The following CADM2 variants were observed in gnomAD, a reference collection of about 807,000 sequenced individuals.
The protein encoded by CADM2 is cell adhesion molecule 2.
Under a neutral mutation model 49.8 loss-of-function variants are expected in CADM2, and 12 were observed. The ratio of observed to expected loss-of-function variants is 0.24; its 90% CI spans 0.15 to 0.39. The LOEUF is 0.39. Among genes scored for constraint, CADM2 ranks in the 10% least tolerant of loss-of-function variants. The probability of loss-of-function intolerance (pLI) is 1.00; values close to 1 mark genes in which losing one functional copy is unlikely to be tolerated. For synonymous variants in CADM2, 214 were observed against 175.4 expected (o/e 1.22, Z -1.74); for missense variants, 378 against 492.3 (o/e 0.77, Z 2.20).
At chr3:85,349,751 C>G (rs1440943684) in intron 1 of CADM2, among the ~76,000 whole-genome samples, 1 of 152,072 alleles carries the variant, frequency 6.6e-6, no homozygotes, top group African/African-American at 2.4e-5. Flanking sequence ...AACAGAGAAC[C>G]TTGCAAAATT....
At chr3:85,887,451 G>T (rs1453046160) in intron 5 of CADM2, among the ~76,000 whole-genome samples, 1 of 152,064 alleles carries the variant, frequency 6.6e-6, no homozygotes, top group Non-Finnish European at 1.5e-5. Context: ...TAATGGGCAT[G>T]CAGGCTTAGC....
rs78588339 is a variant in CADM2 at position 85,481,278 on chromosome 3, A to G, written c.62-245244A>G. 9.7e-3 allele frequency among the ~76,000 whole-genome samples: 1,458 copies of G among 150,138 alleles called. 56 individuals carry two copies. In the East Asian group the frequency reaches 0.13, roughly 13 times the overall value. On this transcript the variant is annotated intron_variant, in intron 1 of 9. Transcript: ENST00000383699. ...GTATCACAATCAATCAACAGTGTTT[A>G]ATATTTATATGTGTGATCAAAATAA...
intron 1 of CADM2, among the ~76,000 whole-genome samples, chr3:84,995,105 A>C (rs1226063957): frequency 6.6e-6 from 1 of 152,172 alleles, no homozygotes; most frequent in Non-Finnish European, 1.5e-5. Flanking sequence ...TATTTTTATA[A>C]AATCTTTCTA....
intron 1 of CADM2, among the ~76,000 whole-genome samples, chr3:85,577,666 A>G (rs2062674828): frequency 6.6e-6 from 1 of 152,146 alleles, no homozygotes; most frequent in Non-Finnish European, 1.5e-5. Flanking sequence ...TTTTCCAAAC[A>G]CCATCTTACC....
At chr3:85,743,597 C>T (rs1197525564) in intron 2 of CADM2, among the ~76,000 whole-genome samples, 2 of 152,118 alleles carry the variant, frequency 1.3e-5, no homozygotes, top group Admixed American at 1.3e-4. Context: ...TTTAATCTAT[C>T]CAATTCAGAC....
chr3:85,448,316 G>C (rs1309147020), intron 1 of CADM2, among the ~76,000 whole-genome samples: 1 of 129,970 alleles, frequency 7.7e-6, no homozygotes, highest in East Asian at 2.2e-4. Flanking sequence ...CTGGGCGACA[G>C]AGCAAGATTC....
At chr3:85,992,540 G>A (rs895421365) in intron 8 of CADM2, 1 of 152,036 alleles carries the variant, frequency 6.6e-6, no homozygotes, top group Non-Finnish European at 1.5e-5. Flanking sequence ...GAGATATCAT[G>A]GGTTCAGTTC....
chr3:85,324,794 G>C (rs147897819), intron 1 of CADM2, among the ~76,000 whole-genome samples: 1 of 152,190 alleles, frequency 6.6e-6, no homozygotes, highest in Non-Finnish European at 1.5e-5. Context: ...ACATCGTGTG[G>C]GTATCTTCTC....
intron 8 of CADM2, among the ~76,000 whole-genome samples, chr3:86,035,509 A>G (rs1345543545): frequency 6.6e-6 from 1 of 152,068 alleles, no homozygotes; most frequent in Non-Finnish European, 1.5e-5. Context: ...CCTCACACAA[A>G]TGTTTTAAAT....
chr3:85,540,093 G>A (rs115634312), intron 1 of CADM2, among the ~76,000 whole-genome samples: 2,386 of 152,060 alleles, frequency 0.016, 26 homozygotes, highest in Non-Finnish European at 0.025. Flanking sequence ...CGATTTTAAT[G>A]GATTTCTTAC....
At chr3:85,453,138 AG>A (rs1399601524) in intron 1 of CADM2, among the ~76,000 whole-genome samples, 1 of 152,182 alleles carries the variant, frequency 6.6e-6, no homozygotes, top group Non-Finnish European at 1.5e-5. Flanking sequence ...ATATATAAGT[AG>A]GTAGTTAAGT....
chr3:84,983,420 G>A (rs1575969532), intron 1 of CADM2, among the ~76,000 whole-genome samples: 1 of 150,266 alleles, frequency 6.7e-6, no homozygotes, highest in East Asian at 2.0e-4. Flanking sequence ...TTTGGAATTT[G>A]ACTATTATGC....
rs2069603094 is a variant in CADM2 at position 85,765,326 on chromosome 3, CTTAA to C, written c.89-36718_89-36715del. 2.6e-5 allele frequency among the ~76,000 whole-genome samples: 4 copies of C among 152,168 alleles called. No individual in the cohort carries two copies. In the South Asian group the frequency reaches 8.3e-4, roughly 31 times the overall value. The stretch of plus-strand genomic sequence containing the variant: ...AAATATTAAACCTTTCGAACTCCTG[CTTAA>C]TTGAGGATTCATTAATGTTGTCTGT... On this transcript the variant is annotated intron_variant, in intron 2 of 9. Coordinates refer to ENST00000383699, the MANE Select transcript of CADM2 (RefSeq NM_001167675.2).
chr3:85,685,976 T>C (rs565728276), intron 1 of CADM2, among the ~76,000 whole-genome samples: 3 of 152,170 alleles, frequency 2.0e-5, no homozygotes, highest in Non-Finnish European at 4.4e-5. Context: ...CTCTAAACAA[T>C]CAAATGATTT....
At chr3:85,567,019 T>G (rs2062283966) in intron 1 of CADM2, among the ~76,000 whole-genome samples, 1 of 152,164 alleles carries the variant, frequency 6.6e-6, no homozygotes, top group South Asian at 2.1e-4. Flanking sequence ...AAAGATTATA[T>G]GTACACCTTT....
At chr3:85,650,115 G>A (rs1193755847) in intron 1 of CADM2, among the ~76,000 whole-genome samples, 3 of 151,960 alleles carry the variant, frequency 2.0e-5, no homozygotes, top group Non-Finnish European at 2.9e-5. Context: ...AAATCATGAC[G>A]TTCAATTAAG....
At chr3:85,828,237 C>T (rs1399261242) in intron 3 of CADM2, among the ~76,000 whole-genome samples, 1 of 151,938 alleles carries the variant, frequency 6.6e-6, no homozygotes, top group Admixed American at 6.6e-5. Flanking sequence ...TCATATTTGC[C>T]ATAATCCCAA....
At chr3:85,971,891 T>C (rs1283234713) in intron 8 of CADM2, among the ~76,000 whole-genome samples, 2 of 151,748 alleles carry the variant, frequency 1.3e-5, no homozygotes, top group African/African-American at 4.8e-5. Context: ...ATTGCAGTAC[T>C]TTTCATATTT....
chr3:85,713,631 A>G (rs769311717), intron 1 of CADM2, among the ~76,000 whole-genome samples: 2 of 152,170 alleles, frequency 1.3e-5, no homozygotes, highest in Non-Finnish European at 2.9e-5. Flanking sequence ...TGAATTCTCA[A>G]TGTGATTTTT....
Sources: allele counts gnomAD v4.1 joint callset (sites outside exome capture counted in the v4.1 genomes callset), GRCh38; gene constraint gnomAD v4.1.1; transcripts MANE v1.5; gene names NCBI Gene and HGNC (gene_info 2026-07-23, HGNC 2026-07-21).